Variants in CNTNAP5 observed in about 807,000 individuals in gnomAD.
CNTNAP5 encodes contactin-associated protein-like 5.
CNTNAP5 carries 72 observed loss-of-function variants against 150.2 expected under a neutral mutation model. That is an observed-to-expected ratio of 0.48 (90% CI 0.40 to 0.58). CNTNAP5 has a LOEUF of 0.58. Ranked by LOEUF, CNTNAP5 falls within the 20% of genes least tolerant of loss-of-function variation. The pLI, the probability that CNTNAP5 is intolerant of heterozygous loss-of-function variation, is 0.00. For synonymous variants in CNTNAP5, 672 were observed against 619.8 expected, an observed-to-expected ratio of 1.08 and a Z score of -1.25; for missense variants, 1,636 against 1,626.2, an observed-to-expected ratio of 1.01 and a Z score of -0.10.
intron 19 of CNTNAP5, among the ~76,000 whole-genome samples, chr2:124,810,074 C>T (rs1682175235): frequency 6.6e-6 from 1 of 152,222 alleles, no homozygotes. Context: ...GTCAAATTAT[C>T]AGTCATGTGT....
intron 10 of CNTNAP5, among the ~76,000 whole-genome samples, chr2:124,559,076 C>T (rs535356435): frequency 1.3e-5 from 2 of 152,290 alleles, no homozygotes; most frequent in South Asian, 4.1e-4. Context: ...ACAAAACAAC[C>T]ACCTTGAGGC....
chr2:124,869,697 G>C lies in CNTNAP5; in HGVS notation c.3371G>C (p.Ser1124Thr). Residue 1124 changes from serine to threonine, a missense_variant, in exon 21 of 24, where the codon AGT (serine) becomes ACT (threonine). Physicochemically the swap from Ser to Thr is moderately conservative, Grantham distance 58 (BLOSUM62 1). Coordinates refer to ENST00000682447, the MANE Select transcript of CNTNAP5 (RefSeq NM_001367498.1). ...TIQMDQQLRL[S>T]YNFSPEVEFR... ...CAGATGGACCAGCAACTTCGACTCA[G>C]TTATAACTTCTCTCCGGAAGTAGAG... 2 of 1,611,954 alleles carry C rather than the reference G, an allele frequency of 1.2e-6. No homozygotes were observed. Among genetic ancestry groups the C allele is most frequent in the Non-Finnish European group, 8.5e-7 (1 of 1,178,610 alleles).
chr2:124,627,330 C>T (rs186601557), intron 12 of CNTNAP5, among the ~76,000 whole-genome samples: 9 of 152,204 alleles, frequency 5.9e-5, no homozygotes, highest in Admixed American at 3.3e-4. Context: ...AAAATCCCAG[C>T]GGACATCAGG....
chr2:124,564,706 A>C (rs2104932261), intron 11 of CNTNAP5, among the ~76,000 whole-genome samples: 1 of 152,306 alleles, frequency 6.6e-6, no homozygotes, highest in Non-Finnish European at 1.5e-5. Flanking sequence ...GGTAGGGGGA[A>C]ACACATGAAA....
At chr2:124,823,245 C>G (rs556214725) in intron 19 of CNTNAP5, among the ~76,000 whole-genome samples, 1 of 152,270 alleles carries the variant, frequency 6.6e-6, no homozygotes, top group Admixed American at 6.5e-5. Flanking sequence ...TCTGGGAAAG[C>G]TACCTAAGAC....
chr2:124,050,091 T>C (rs1270866736), intron 1 of CNTNAP5, among the ~76,000 whole-genome samples: 1 of 152,124 alleles, frequency 6.6e-6, no homozygotes, highest in Non-Finnish European at 1.5e-5. Context: ...ACCATAGCAA[T>C]ACCTTAAGCA....
intron 13 of CNTNAP5, among the ~76,000 whole-genome samples, chr2:124,683,143 G>A (rs1029046750): frequency 6.6e-6 from 1 of 152,192 alleles, no homozygotes; most frequent in Non-Finnish European, 1.5e-5. Context: ...TTATTGAGGA[G>A]TACACAGAGT....
intron 19 of CNTNAP5, among the ~76,000 whole-genome samples, chr2:124,854,364 C>T (rs976661454): frequency 6.6e-6 from 1 of 152,170 alleles, no homozygotes; most frequent in Non-Finnish European, 1.5e-5. Flanking sequence ...TGAATATTCT[C>T]ATTACAGTTT....
At chr2:124,836,532 A>G (rs2104687361) in intron 19 of CNTNAP5, among the ~76,000 whole-genome samples, 1 of 152,152 alleles carries the variant, frequency 6.6e-6, no homozygotes, top group Middle Eastern at 3.4e-3. Flanking sequence ...TTCCTGGGAC[A>G]CTTACTCATA....
At chr2:124,475,252 A>G (rs1254842075) in intron 7 of CNTNAP5, among the ~76,000 whole-genome samples, 2 of 152,130 alleles carry the variant, frequency 1.3e-5, no homozygotes, top group Non-Finnish European at 2.9e-5. Context: ...GGAGTTACAT[A>G]TATGTCTACT....
At chr2:124,727,883 C>G (rs1680191826) in intron 13 of CNTNAP5, among the ~76,000 whole-genome samples, 1 of 130,068 alleles carries the variant, frequency 7.7e-6, no homozygotes, top group South Asian at 2.3e-4. Context: ...TTTCCTTGTT[C>G]CTAATCTTAG....
At chr2:124,041,634 T>C (rs1486004275) in intron 1 of CNTNAP5, among the ~76,000 whole-genome samples, 1 of 152,136 alleles carries the variant, frequency 6.6e-6, no homozygotes, top group Non-Finnish European at 1.5e-5. Flanking sequence ...TATGGTAGGG[T>C]CTGGAGACAT....
chr2:124,315,224 G>T (rs1010005929), intron 3 of CNTNAP5, among the ~76,000 whole-genome samples: 3 of 152,150 alleles, frequency 2.0e-5, no homozygotes, highest in African/African-American at 7.2e-5. Context: ...GCCTTCCAAA[G>T]TGCTGAGGTT....
At chr2:124,510,758 G>T (rs796259406) in intron 8 of CNTNAP5, among the ~76,000 whole-genome samples, 1 of 152,074 alleles carries the variant, frequency 6.6e-6, no homozygotes, top group African/African-American at 2.4e-5. Flanking sequence ...CATGAAACAA[G>T]ATTAGATCTC....
rs1558933263 is a variant in CNTNAP5, at chr2:124,510,295, A to ATATC, written c.1327+5742_1327+5743insCTAT. Among the ~76,000 whole-genome samples the ATATC allele has an allele frequency of 6.5e-3, 39 of 5,976 alleles. 3 individuals are homozygous for ATATC. The highest frequency in any genetic ancestry group is 0.01 in the African/African-American group (37 of 3,674). 3.9% of individuals were successfully genotyped at this position (5,976 alleles called of 152,430 possible). On this transcript the variant is annotated intron_variant, in intron 8 of 23. Coordinates refer to ENST00000682447, the MANE Select transcript of CNTNAP5 (RefSeq NM_001367498.1). ...TATCTATATCTATATCTATATATCT[A>ATATC]TATATCTATATATATATCTATATAT...
intron 3 of CNTNAP5, among the ~76,000 whole-genome samples, chr2:124,291,297 CACAATCAATATTTTCACT>C (rs1573894715): frequency 6.6e-6 from 1 of 151,968 alleles, no homozygotes; most frequent in East Asian, 1.9e-4. Context: ...TTTTTATTAA[CACAATCAATATTTTCACT>C]GATATAATTA....
intron 21 of CNTNAP5, among the ~76,000 whole-genome samples, 168 bp downstream of exon 21, chr2:124,869,930 C>T (rs568881137): frequency 6.6e-6 from 1 of 152,086 alleles, no homozygotes; most frequent in Non-Finnish European, 1.5e-5. Flanking sequence ...GTATCTGTGG[C>T]AGAAATAGGC....
chr2:124,882,561 C>G (rs1677985625), intron 21 of CNTNAP5, among the ~76,000 whole-genome samples: 3 of 152,208 alleles, frequency 2.0e-5, no homozygotes, highest in East Asian at 3.9e-4. Context: ...AAGGCCAGAT[C>G]TTCTCTATGA....
chr2:124,449,643 G>T (rs781729234), intron 6 of CNTNAP5, among the ~76,000 whole-genome samples: 1 of 152,134 alleles, frequency 6.6e-6, no homozygotes, highest in Non-Finnish European at 1.5e-5. Context: ...GGGCGTGCAC[G>T]GATGTCTTGG....
Sources: allele counts gnomAD v4.1 joint callset (sites outside exome capture counted in the v4.1 genomes callset), GRCh38; gene constraint gnomAD v4.1.1; transcripts MANE v1.5; gene names NCBI Gene and HGNC (gene_info 2026-07-23, HGNC 2026-07-21).